Variants in RPS6KC1 observed in about 807,000 individuals in gnomAD.
RPS6KC1 encodes ribosomal protein S6 kinase C1.
In RPS6KC1, 54 loss-of-function variants were observed where a neutral mutation model predicts 103.8. The ratio of observed to expected loss-of-function variants is 0.52; its 90% CI spans 0.42 to 0.65. The LOEUF is 0.65. Ranked by LOEUF, RPS6KC1 falls within the 30% of genes least tolerant of loss-of-function variation. The pLI, the probability that RPS6KC1 is intolerant of heterozygous loss-of-function variation, is 0.00. For missense variants in RPS6KC1, 1,151 were observed against 1,253.8 expected (o/e 0.92, Z 1.24); for synonymous variants, 439 against 438.7 (o/e 1.00, Z -0.01).
At chr1:213,823,725 G>GA in the RPS6KC1 span, among the ~76,000 whole-genome samples, 34 of 15,098 alleles carry the variant, frequency 2.3e-3, no homozygotes, top group African/African-American at 0.011. Context: ...GGCTATCACA[G>GA]CCACACACAC....
chr1:213,105,305 A>G (rs1470048558), intron 4 of RPS6KC1, among the ~76,000 whole-genome samples: 1 of 140,764 alleles, frequency 7.1e-6, no homozygotes, highest in Non-Finnish European at 1.5e-5. Context: ...GTATTGTTGT[A>G]TTTAATTACT....
downstream of RPS6KC1, among the ~76,000 whole-genome samples, chr1:213,278,898 T>G (rs1302588732): frequency 6.6e-6 from 1 of 152,102 alleles, no homozygotes; most frequent in East Asian, 1.9e-4. Flanking sequence ...TTTCCTTTTT[T>G]TATATTTTGT....
chr1:213,242,037 C>T lies in RPS6KC1; in HGVS notation c.2561C>T (p.Ala854Val). 6.2e-7 allele frequency: 1 copy of T among 1,614,018 alleles called. No homozygotes were observed. Among genetic ancestry groups the T allele is most frequent in the Non-Finnish European group, 8.5e-7 (1 of 1,179,938 alleles). ...TTTACAGATCAGACTGATGATTTGG[C>T]TAAAGAGGAACCAACTTCTTTATTC... is the stretch of plus-strand genomic sequence containing the variant. ...LLFTDQTDDL[A>V]KEEPTSLFQR... Residue 854 changes from alanine (A) to valine (V), a missense_variant, in exon 11 of 15, where the codon GCT (alanine) becomes GTT (valine). Physicochemically the swap from Ala to Val is moderately conservative, Grantham distance 64. Coordinates refer to ENST00000366960, the MANE Select transcript of RPS6KC1 (RefSeq NM_012424.6).
intron 12 of RPS6KC1, among the ~76,000 whole-genome samples, chr1:213,257,776 A>C (rs1026043812): frequency 6.5e-5 from 9 of 137,968 alleles, no homozygotes; most frequent in African/African-American, 2.7e-5. Context: ...TGAATTGTAA[A>C]CAGGTAAAAC....
chr1:213,319,002 T>C, the RPS6KC1 span, among the ~76,000 whole-genome samples: 1 of 152,126 alleles, frequency 6.6e-6, no homozygotes, highest in African/African-American at 2.4e-5. Flanking sequence ...GGGACAAGTG[T>C]CATACAAGAA....
At chr1:213,566,260 T>C in the RPS6KC1 span, among the ~76,000 whole-genome samples, 329 of 152,096 alleles carry the variant, frequency 2.2e-3, no homozygotes, top group African/African-American at 7.2e-3. Flanking sequence ...CTGTTGTCAG[T>C]CTAATAATTA....
At chr1:213,619,814 A>G in the RPS6KC1 span, among the ~76,000 whole-genome samples, 2 of 152,240 alleles carry the variant, frequency 1.3e-5, no homozygotes, top group African/African-American at 4.8e-5. Flanking sequence ...AATGATATAA[A>G]GCATGAATAG....
chr1:213,682,122 G>C, the RPS6KC1 span, among the ~76,000 whole-genome samples: 1 of 152,218 alleles, frequency 6.6e-6, no homozygotes. Flanking sequence ...AGCACAGAAA[G>C]TGGAACGCCT....
At chr1:213,320,585 G>C in the RPS6KC1 span, among the ~76,000 whole-genome samples, 1 of 152,184 alleles carries the variant, frequency 6.6e-6, no homozygotes, top group African/African-American at 2.4e-5. Flanking sequence ...TTTGTTTATT[G>C]ACTAGAGTGA....
the RPS6KC1 span, among the ~76,000 whole-genome samples, chr1:213,592,988 GA>G: frequency 2.0e-5 from 3 of 152,164 alleles, no homozygotes; most frequent in African/African-American, 7.2e-5. Flanking sequence ...GATGCTAATG[GA>G]AATCAAGGAG....
At chr1:213,214,256 C>T (rs556905606) in intron 8 of RPS6KC1, among the ~76,000 whole-genome samples, 9 of 152,374 alleles carry the variant, frequency 5.9e-5, no homozygotes, top group African/African-American at 9.6e-5. Context: ...AAGGGTCCTA[C>T]GTACACGGAG....
the RPS6KC1 span, among the ~76,000 whole-genome samples, chr1:213,575,102 G>T: frequency 6.6e-6 from 1 of 152,076 alleles, no homozygotes; most frequent in African/African-American, 2.4e-5. Flanking sequence ...ACTTGGGAAG[G>T]TTATTTAGCC....
chr1:213,630,377 C>T, the RPS6KC1 span, among the ~76,000 whole-genome samples: 2 of 152,208 alleles, frequency 1.3e-5, no homozygotes, highest in African/African-American at 4.8e-5. Flanking sequence ...AAATCGGCTA[C>T]TGAGGCTTCT....
At chr1:213,608,373 G>GC in the RPS6KC1 span, among the ~76,000 whole-genome samples, 1 of 152,156 alleles carries the variant, frequency 6.6e-6, no homozygotes, top group African/African-American at 2.4e-5. Context: ...TCTCCTGGTG[G>GC]CCCCCTAAAG....
At chr1:213,540,760 A>G in the RPS6KC1 span, among the ~76,000 whole-genome samples, 1 of 152,212 alleles carries the variant, frequency 6.6e-6, no homozygotes, top group South Asian at 2.1e-4. Context: ...TTTTACCCAC[A>G]GTAGAACTTC....
At chr1:213,653,374 A>T in the RPS6KC1 span, among the ~76,000 whole-genome samples, 1 of 152,000 alleles carries the variant, frequency 6.6e-6, no homozygotes, top group Non-Finnish European at 1.5e-5. Flanking sequence ...TGAGAAGATC[A>T]CTTGCTCTTG....
At chr1:213,372,420 A>G in the RPS6KC1 span, among the ~76,000 whole-genome samples, 20 of 152,212 alleles carry the variant, frequency 1.3e-4, no homozygotes, top group Admixed American at 3.9e-4. Context: ...GGTCCTGCAC[A>G]TAGATAGGCC....
the RPS6KC1 span, among the ~76,000 whole-genome samples, chr1:213,448,393 G>A: frequency 0.012 from 1,767 of 152,048 alleles, 22 homozygotes; most frequent in African/African-American, 0.036. Flanking sequence ...TGTGTTTTTC[G>A]AAACCCCCGG....
the RPS6KC1 span, among the ~76,000 whole-genome samples, chr1:213,340,028 G>A: frequency 1.3e-5 from 2 of 152,192 alleles, no homozygotes; most frequent in Non-Finnish European, 2.9e-5. Context: ...GAGTAGCTGG[G>A]ATTACAGGCA....
Sources: allele counts gnomAD v4.1 joint callset (sites outside exome capture counted in the v4.1 genomes callset), GRCh38; gene constraint gnomAD v4.1.1; transcripts MANE v1.5; gene names NCBI Gene and HGNC (gene_info 2026-07-23, HGNC 2026-07-21).